Variants in SCN10A observed in about 807,000 individuals in gnomAD.
The protein encoded by SCN10A is sodium channel protein type 10 subunit alpha.
In SCN10A, 162 loss-of-function variants were observed where a neutral mutation model predicts 170.7. The ratio of observed to expected loss-of-function variants is 0.95; its 90% confidence interval spans 0.84 to 1.08. The LOEUF (loss-of-function observed/expected upper bound fraction) is 1.08, where lower values mean the gene tolerates loss of function less well. Among genes scored for constraint, SCN10A ranks in the 50% least tolerant of loss-of-function variants. SCN10A has a pLI of 0.00. For synonymous variants in SCN10A, 985 were observed against 904.6 expected (o/e 1.09, Z -1.59); for missense variants, 2,527 against 2,436.9 (o/e 1.04, Z -0.78).
intron 16 of SCN10A, 137 bp downstream of exon 16, chr3:38,728,405 A>C (rs2063479000): frequency 3.3e-6 from 3 of 918,336 alleles, no homozygotes; most frequent in Non-Finnish European, 4.7e-6. Flanking sequence ...TCCCACATGA[A>C]TTTGAAAAGT....
intron 15 of SCN10A, 132 bp from the exon 16 acceptor site, chr3:38,729,033 A>C: frequency 8.8e-7 from 1 of 1,138,670 alleles, no homozygotes; most frequent in South Asian, 1.7e-5. Flanking sequence ...CGTTTTCTGG[A>C]CACTGCTTTT....
At chr3:38,714,634 A>C (rs1232671357) in intron 21 of SCN10A, among the ~76,000 whole-genome samples, 6 of 152,178 alleles carry the variant, frequency 3.9e-5, no homozygotes, top group African/African-American at 1.4e-4. Flanking sequence ...ACCCTTTGTA[A>C]AATGAAAAAG....
Position 38,752,349 on chromosome 3 carries a change from C to A in SCN10A, c.1625G>T (p.Gly542Val), listed in dbSNP as rs754171794. Reference protein sequence around the residue: ...SHRGSLLLGGGAGQQGPLPRS... With the variant: ...SHRGSLLLGGVAGQQGPLPRS... ...AGGGAGGGGGCCTTGCTGGCCAGCA[C>A]CCCCACCCAGCAGCAGAGAGCCCCG... The change falls in exon 12 of 28, where the codon GGT becomes GTT. Residue 542 changes from glycine (G) to valine (V), a missense_variant. By Grantham distance (109) the Gly-to-Val change is moderately radical. Transcript: ENST00000449082. 5.0e-6 allele frequency: 8 copies of A among 1,613,384 alleles called. No homozygotes were observed. The East Asian group carries it at 1.8e-4, about 36-fold the overall frequency.
chr3:38,781,887 T>A (rs1282256531), intron 4 of SCN10A, among the ~76,000 whole-genome samples: 2 of 152,138 alleles, frequency 1.3e-5, no homozygotes, highest in South Asian at 2.1e-4. Flanking sequence ...GTCATATTAT[T>A]TGTTACAAAT....
chr3:38,745,886 A>G (rs73826324), intron 13 of SCN10A, among the ~76,000 whole-genome samples: 12,348 of 151,306 alleles, frequency 0.082, 694 homozygotes, highest in East Asian at 0.19. Context: ...TGCTGGGTCC[A>G]TCTCTTCTGC....
intron 5 of SCN10A, among the ~76,000 whole-genome samples, chr3:38,769,145 C>T (rs1236436669): frequency 6.6e-6 from 1 of 151,728 alleles, no homozygotes; most frequent in Non-Finnish European, 1.5e-5. Flanking sequence ...GAGAATTTTC[C>T]ATCCATATCT....
rs552021815 is a variant in SCN10A at position 38,706,178 on chromosome 3, C to CT, written c.4386+1100dup. ...CAAAATACAGTGTCAAAAGTCATCA[C>CT]TTTTTTCTCTTGTAAATGTTTTTCA... On this transcript the variant is annotated intron_variant, in intron 26 of 27. Coordinates refer to ENST00000449082, the MANE Select transcript of SCN10A (RefSeq NM_006514.4). Among the ~76,000 whole-genome samples the CT allele has an allele frequency of 2.0e-4, 30 of 152,284 alleles. No individual in the cohort carries two copies. In the South Asian group the frequency reaches 5.2e-3, roughly 26 times the overall value.
intron 4 of SCN10A, among the ~76,000 whole-genome samples, chr3:38,778,642 G>T (rs914274637): frequency 1.3e-5 from 2 of 151,964 alleles, no homozygotes; most frequent in Admixed American, 1.3e-4. Context: ...CAATAAGATT[G>T]GTTTCTGATT....
chr3:38,760,545 T>C (rs2063857473), intron 8 of SCN10A, 136 bp downstream of exon 8: 1 of 710,950 alleles, frequency 1.4e-6, no homozygotes, highest in African/African-American at 1.8e-5. Flanking sequence ...GAGCTCTGGG[T>C]TGGCAAAGGC....
intron 4 of SCN10A, among the ~76,000 whole-genome samples, chr3:38,779,945 T>C (rs1021725409): frequency 1.3e-4 from 20 of 151,934 alleles, no homozygotes; most frequent in African/African-American, 4.8e-4. Context: ...GTTTGATATG[T>C]TTGGTTTTTT....
intron 4 of SCN10A, among the ~76,000 whole-genome samples, chr3:38,786,762 T>C (rs2064209332): frequency 1.3e-5 from 2 of 152,176 alleles, no homozygotes; most frequent in Admixed American, 1.3e-4. Flanking sequence ...TTCTTCAGCA[T>C]CATTTTTTGA....
At chr3:38,719,408 T>G in intron 20 of SCN10A, among the ~76,000 whole-genome samples, 1 of 84,382 alleles carries the variant, frequency 1.2e-5, no homozygotes, top group Admixed American at 1.3e-4. Context: ...TTTTTTTTTT[T>G]TTTGAGACGG....
At chr3:38,779,664 ATATG>A (rs2064115098) in intron 4 of SCN10A, among the ~76,000 whole-genome samples, 1 of 151,878 alleles carries the variant, frequency 6.6e-6, no homozygotes, top group Non-Finnish European at 1.5e-5. Flanking sequence ...TATTCCCTGA[ATATG>A]TATGTCTTTA....
chr3:38,779,393 C>T (rs763318541), intron 4 of SCN10A, among the ~76,000 whole-genome samples: 64 of 152,116 alleles, frequency 4.2e-4, no homozygotes, highest in Non-Finnish European at 8.1e-4. Context: ...TCACATGAGA[C>T]ATCCTTTAAT....
At position 38,727,038 on chromosome 3, in the gene SCN10A, G is replaced by A. The variant is rs755345820; in HGVS notation, c.2655C>T (p.Phe885=). The change falls in exon 17 of 28, where the codon TTC becomes TTT. Residue 885 remains phenylalanine (F), a synonymous_variant. Coordinates refer to ENST00000449082, the MANE Select transcript of SCN10A (RefSeq NM_006514.4). ...TGAAAGAGTTCAATAGCAGGGCGAT[G>A]AACAGGTTAAGCACCTGAAGAGAAG... ...VLGNLVVLNL[F]IALLLNSFSA... is the part of the protein sequence containing the mutation. The A allele has an allele frequency of 5.0e-6, 8 of 1,611,008 alleles. No homozygotes were observed. Among genetic ancestry groups the A allele is most frequent in the Non-Finnish European group, 6.8e-6 (8 of 1,177,390 alleles).
chr3:38,764,643 A>G (rs1395700651), intron 5 of SCN10A, among the ~76,000 whole-genome samples: 1 of 151,978 alleles, frequency 6.6e-6, no homozygotes. Context: ...CTGGTTCCAT[A>G]TTTTTGCAGT....
intron 13 of SCN10A, among the ~76,000 whole-genome samples, chr3:38,748,523 C>A (rs191050433): frequency 4.7e-4 from 72 of 152,286 alleles, no homozygotes; most frequent in Non-Finnish European, 9.7e-4. Flanking sequence ...AGGGCTCAAA[C>A]CTGGAGGAGA....
At position 38,736,359 on chromosome 3, in the gene SCN10A, C is replaced by CACTGTGTGTG. The variant is rs1224815377; in HGVS notation, c.2280+3155_2280+3156insCACACACAGT. On this transcript the variant is annotated intron_variant, in intron 15 of 27. Transcript: ENST00000449082. Reference sequence around the variant, plus strand: ...ACATAAGATGTTGGTAATAGGGAAACTCTGTGTGTGTGTGTGTGTGTGTGT... The same window carrying CACTGTGTGTG: ...ACATAAGATGTTGGTAATAGGGAAACACTGTGTGTGTCTGTGTGTGTGTGTGTGTGTGTGT... 7.3e-3 allele frequency among the ~76,000 whole-genome samples: 665 copies of CACTGTGTGTG among 91,490 alleles called. 4 individuals are homozygous for CACTGTGTGTG. The highest frequency in any genetic ancestry group is 0.014 in the African/African-American group (373 of 27,546). The allele number at this position is 91,490 out of a possible 152,430, so 60.0% of individuals were successfully genotyped here. A position where few individuals can be genotyped will look rare whatever the true frequency, so the allele number is the denominator to read the frequency against.
At chr3:38,728,073 GC>G (rs2063476211) in intron 16 of SCN10A, among the ~76,000 whole-genome samples, 2 of 152,164 alleles carry the variant, frequency 1.3e-5, no homozygotes, top group South Asian at 2.1e-4. Context: ...TGTTTTCTGA[GC>G]CCCCTCAGAT....
Sources: gnomAD v4.1 joint callset for allele counts (sites outside exome capture counted in the v4.1 genomes callset) on GRCh38, gnomAD v4.1.1 for gene constraint, MANE v1.5 for transcripts, NCBI Gene and HGNC (gene_info 2026-07-23, HGNC 2026-07-21) for gene names.